The following GRIK4 variants were observed in gnomAD, a reference collection of about 807,000 sequenced individuals.
The protein encoded by GRIK4 is glutamate receptor ionotropic, kainate 4.
A neutral mutation model predicts 104.9 loss-of-function variants in GRIK4; 40 were observed. The ratio of observed to expected loss-of-function variants is 0.38; its 90% CI spans 0.30 to 0.50. The LOEUF is 0.50. Among genes scored for constraint, GRIK4 ranks in the 20% least tolerant of loss-of-function variants. The pLI is 0.93. For synonymous variants in GRIK4, 485 were observed against 524.9 expected (o/e 0.92, Z 1.04); for missense variants, 1,047 against 1,308.1 (o/e 0.80, Z 3.08).
At chr11:120,831,125 G>A (rs1953417848) in intron 6 of GRIK4, among the ~76,000 whole-genome samples, 1 of 152,142 alleles carries the variant, frequency 6.6e-6, no homozygotes, top group Admixed American at 6.5e-5. Context: ...CTGCTGGAGT[G>A]CAGTTCAAAG....
rs1381881878 is a variant in GRIK4 at position 120,524,329 on chromosome 11, G to A, written c.-159+12442G>A. On this transcript the variant is annotated intron_variant, in intron 1 of 20. Coordinates refer to ENST00000527524, the MANE Select transcript of GRIK4 (RefSeq NM_014619.5). The surrounding 1 kb of genome is among the most constrained non-coding windows in gnomAD (Gnocchi z 4.5). Reference sequence around the variant, plus strand: ...GAGCCGCTTGTCTGCAGAGGCCCTGGACTCTGGAGCCCTAGACTAGCAATG... The same window carrying A: ...GAGCCGCTTGTCTGCAGAGGCCCTGAACTCTGGAGCCCTAGACTAGCAATG... 6.6e-6 allele frequency among the ~76,000 whole-genome samples: 1 copy of A among 152,176 alleles called. No homozygotes were observed. The highest frequency in any genetic ancestry group is 1.5e-5 in the Non-Finnish European group (1 of 68,042).
intron 3 of GRIK4, among the ~76,000 whole-genome samples, chr11:120,769,033 A>G (rs184011764): frequency 3.5e-4 from 53 of 152,320 alleles, no homozygotes; most frequent in Non-Finnish European, 6.6e-4. Flanking sequence ...TGGCTTAAGT[A>G]TCAAAAGGAT....
intron 3 of GRIK4, among the ~76,000 whole-genome samples, chr11:120,728,755 A>G (rs191650744): frequency 6.6e-6 from 1 of 152,336 alleles, no homozygotes; most frequent in Admixed American, 6.5e-5. Context: ...TTTGTGCTAC[A>G]AGCAATCCAA....
intron 6 of GRIK4, among the ~76,000 whole-genome samples, chr11:120,825,453 C>G (rs1436800094): frequency 6.6e-6 from 1 of 152,252 alleles, no homozygotes; most frequent in Non-Finnish European, 1.5e-5. Flanking sequence ...ATGCTCGGCA[C>G]ACATGAGTTT....
intron 3 of GRIK4, among the ~76,000 whole-genome samples, chr11:120,767,655 C>G (rs1951863417): frequency 2.0e-5 from 3 of 152,052 alleles, no homozygotes; most frequent in African/African-American, 7.2e-5. Context: ...TCTTTGTGAT[C>G]TTTTCCAAGA....
intron 13 of GRIK4, among the ~76,000 whole-genome samples, chr11:120,930,004 G>T (rs916015382): frequency 1.4e-5 from 2 of 145,806 alleles, no homozygotes; most frequent in East Asian, 1.9e-4. Context: ...GCCACGTTTG[G>T]GGGGGGGGTC....
At chr11:120,734,462 G>A (rs1775870542) in intron 3 of GRIK4, among the ~76,000 whole-genome samples, 1 of 152,078 alleles carries the variant, frequency 6.6e-6, no homozygotes, top group Admixed American at 6.6e-5. Context: ...GCTGCTTTTA[G>A]GATCCTTTCT....
intron 19 of GRIK4, among the ~76,000 whole-genome samples, chr11:120,971,480 C>G (rs1201771843): frequency 2.0e-5 from 3 of 152,222 alleles, no homozygotes; most frequent in Non-Finnish European, 2.9e-5. Context: ...GTGCCCAGCA[C>G]CCCAAGTGTT....
chr11:120,948,305 C>G (rs935286335), intron 14 of GRIK4, among the ~76,000 whole-genome samples: 2 of 152,146 alleles, frequency 1.3e-5, no homozygotes, highest in Admixed American at 1.3e-4. Flanking sequence ...ATATGAAGGA[C>G]CCTTTGTCCT....
intron 19 of GRIK4, among the ~76,000 whole-genome samples, chr11:120,970,631 C>A (rs1565470162): frequency 6.6e-6 from 1 of 151,942 alleles, no homozygotes; most frequent in Non-Finnish European, 1.5e-5. Context: ...AGAGGGCAGC[C>A]CCATTGGCAA....
At chr11:120,824,400 G>C (rs1453778426) in intron 6 of GRIK4, among the ~76,000 whole-genome samples, 11 of 152,188 alleles carry the variant, frequency 7.2e-5, no homozygotes. Context: ...TGGGTGCCCA[G>C]GGCCTGTTGG....
intron 3 of GRIK4, among the ~76,000 whole-genome samples, chr11:120,689,099 C>T (rs569628203): frequency 2.6e-5 from 4 of 152,122 alleles, no homozygotes; most frequent in East Asian, 1.9e-4. Context: ...CAAGCCCAGT[C>T]AGGGCTTGGG....
rs1479064422 is a variant in GRIK4, at chr11:120,846,478, T to C, written c.744+9634T>C. Among the ~76,000 whole-genome samples the C allele has an allele frequency of 2.0e-5, 3 of 152,328 alleles. No homozygotes were observed. The East Asian group carries it at 5.8e-4, about 29-fold the overall frequency. On this transcript the variant is annotated intron_variant, in intron 8 of 20. Coordinates refer to ENST00000527524, the MANE Select transcript of GRIK4 (RefSeq NM_014619.5). ...GGTTTACAGATATGGCTTCCCTTACTGAAGCATGGGTTAGAGATGGCAATT... is the reference window on the plus strand; with the variant it reads ...GGTTTACAGATATGGCTTCCCTTACCGAAGCATGGGTTAGAGATGGCAATT...
intron 3 of GRIK4, among the ~76,000 whole-genome samples, chr11:120,738,147 T>A (rs2135403125): frequency 6.6e-6 from 1 of 152,278 alleles, no homozygotes; most frequent in South Asian, 2.1e-4. Context: ...AAGGAACAGA[T>A]GAATGAGATA....
intron 1 of GRIK4, among the ~76,000 whole-genome samples, chr11:120,651,434 G>T (rs1048915207): frequency 6.6e-6 from 1 of 152,150 alleles, no homozygotes; most frequent in African/African-American, 2.4e-5. Context: ...TGCATTAGGG[G>T]TCTGAAATCT....
At chr11:120,763,289 T>G (rs764527210) in intron 3 of GRIK4, among the ~76,000 whole-genome samples, 14 of 152,186 alleles carry the variant, frequency 9.2e-5, no homozygotes, top group Non-Finnish European at 1.6e-4. Context: ...TCAGTGGTGA[T>G]CCCCCCTTTA....
chr11:120,528,981 G>C (rs547530220), intron 1 of GRIK4, among the ~76,000 whole-genome samples: 13 of 152,194 alleles, frequency 8.5e-5, no homozygotes, highest in Middle Eastern at 3.4e-3. Context: ...GGTAGCTTTG[G>C]CTCCCTGCCT....
At chr11:120,672,089 G>T (rs1461817071) in intron 3 of GRIK4, among the ~76,000 whole-genome samples, 8 of 152,154 alleles carry the variant, frequency 5.3e-5, no homozygotes, top group Non-Finnish European at 1.2e-4. Context: ...TTTTGCTTAG[G>T]ATCGTCTTGG....
intron 7 of GRIK4, among the ~76,000 whole-genome samples, chr11:120,834,602 CA>C (rs59352027): frequency 0.32 from 48,624 of 152,040 alleles, 8,617 homozygotes; most frequent in East Asian, 0.48. Flanking sequence ...AGGGCCTCAG[CA>C]AGGATGGGAA....
Sources: gnomAD v4.1 joint callset for allele counts (sites outside exome capture counted in the v4.1 genomes callset) on GRCh38, gnomAD v4.1.1 for gene constraint, Gnocchi (gnomAD v3.1) non-coding constraint, MANE v1.5 for transcripts, NCBI Gene and HGNC (gene_info 2026-07-23, HGNC 2026-07-21) for gene names.